MGAT4C: variants seen among roughly 807,000 people sequenced by gnomAD.
The protein encoded by MGAT4C is MGAT4 family member C, also known as alpha-1,3-mannosyl-glycoprotein 4-beta-N-acetylglucosaminyltransferase C.
In MGAT4C, 19 loss-of-function variants were observed where a neutral mutation model predicts 40.1. The observed-to-expected ratio is 0.47, with a 90% CI of 0.33 to 0.70. The LOEUF is 0.70. Among genes scored for constraint, MGAT4C ranks in the 30% least tolerant of loss-of-function variants. The pLI is 0.02. For synonymous variants in MGAT4C, 181 were observed against 187.1 expected (o/e 0.97, Z 0.27); for missense variants, 491 against 563.2 (o/e 0.87, Z 1.30).
At chr12:86,411,469 G>C (rs1209894161) in intron 3 of MGAT4C, among the ~76,000 whole-genome samples, 1 of 152,162 alleles carries the variant, frequency 6.6e-6, no homozygotes, top group Non-Finnish European at 1.5e-5. Flanking sequence ...TGAACTAGGG[G>C]TTTGTGGAAC....
chr12:86,575,855 C>T (rs753432162), intron 2 of MGAT4C, among the ~76,000 whole-genome samples: 3 of 151,780 alleles, frequency 2.0e-5, no homozygotes, highest in Middle Eastern at 3.2e-3. Context: ...TTCTCCAATC[C>T]TTGTCATTTG....
chr12:86,361,701 A>G, intron 3 of MGAT4C, among the ~76,000 whole-genome samples: 1 of 152,252 alleles, frequency 6.6e-6, no homozygotes, highest in Non-Finnish European at 1.5e-5. Context: ...TTCTCAAAAG[A>G]AGACATTTAT....
chr12:86,302,372 T>C (rs1953833379), intron 4 of MGAT4C, among the ~76,000 whole-genome samples: 1 of 147,620 alleles, frequency 6.8e-6, no homozygotes, highest in Non-Finnish European at 1.5e-5. Context: ...GGAGACAGAA[T>C]AGGCAGTTGC....
At chr12:86,651,377 AT>A (rs1318915495) in intron 2 of MGAT4C, among the ~76,000 whole-genome samples, 1 of 151,920 alleles carries the variant, frequency 6.6e-6, no homozygotes, top group Non-Finnish European at 1.5e-5. Flanking sequence ...AGCAAGTGAT[AT>A]AAATTTTAAA....
chr12:86,752,018 C>A (rs2136142268), intron 1 of MGAT4C, among the ~76,000 whole-genome samples: 1 of 151,770 alleles, frequency 6.6e-6, no homozygotes, highest in Non-Finnish European at 1.5e-5. Flanking sequence ...TGTCTTGGAG[C>A]ACAATGAGAC....
chr12:86,474,670 CT>C lies in MGAT4C; in HGVS notation c.-228-39406del, dbSNP rs145820006. ...TAAATGACAAGGATTCATACTCTGG[CT>C]TTTCAGGTTTTCTTTTTTTTTTATA... On this transcript the variant is annotated intron_variant, in intron 2 of 7. Coordinates refer to the MGAT4C transcript ENST00000548651. Among the ~76,000 whole-genome samples the C allele has an allele frequency of 8.2e-4, 125 of 151,882 alleles. 1 individual carries two copies. The highest frequency in any genetic ancestry group is 6.5e-4 in the Non-Finnish European group (44 of 67,936).
rs779598638 is a variant in MGAT4C, at chr12:85,956,812, C to G, written c.*22477G>C. 1 of 152,188 alleles carries G rather than the reference C, an allele frequency of 6.6e-6. No individual in the cohort carries two copies. The highest frequency in any genetic ancestry group is 1.5e-5 in the Non-Finnish European group (1 of 68,020). The allele number at this position is 152,188 out of a possible 1,614,324, so 9.4% of individuals were successfully genotyped here. A position where few individuals can be genotyped will look rare whatever the true frequency, so the allele number is the denominator to read the frequency against. On this transcript the variant is annotated 3_prime_UTR_variant, in exon 5 of 5. Coordinates refer to ENST00000611864, the MANE Select transcript of MGAT4C (RefSeq NM_001351288.2). ...TTATGACATGAGATTGAAGGTGACT[C>G]TGAATCAACAGAATTTTATTTTTCT...
intron 2 of MGAT4C, among the ~76,000 whole-genome samples, chr12:86,552,042 A>AAAAC (rs1259033894): frequency 2.5e-4 from 37 of 150,078 alleles, no homozygotes; most frequent in African/African-American, 8.1e-4. Context: ...AAAAAAAAAA[A>AAAAC]CCAAAAAACA....
chr12:86,008,241 G>A (rs1174022806), intron 2 of MGAT4C, among the ~76,000 whole-genome samples: 1 of 151,848 alleles, frequency 6.6e-6, no homozygotes, highest in East Asian at 1.9e-4. Context: ...AGAATTTGCT[G>A]GTTGTACAAA....
At chr12:86,021,180 C>T (rs1372375712) in intron 2 of MGAT4C, among the ~76,000 whole-genome samples, 3 of 152,066 alleles carry the variant, frequency 2.0e-5, no homozygotes, top group Non-Finnish European at 2.9e-5. Flanking sequence ...GTCAGTGTGG[C>T]GATTCCTCAG....
At chr12:86,599,238 T>C (rs574176320) in intron 2 of MGAT4C, among the ~76,000 whole-genome samples, 170 of 152,260 alleles carry the variant, frequency 1.1e-3, no homozygotes, top group African/African-American at 4.0e-3. Flanking sequence ...ATGTATATAC[T>C]GCACAATCTG....
intron 2 of MGAT4C, among the ~76,000 whole-genome samples, chr12:86,508,313 G>T (rs1034526363): frequency 2.0e-5 from 3 of 151,954 alleles, no homozygotes; most frequent in African/African-American, 4.8e-5. Flanking sequence ...GCGGTGTTTG[G>T]TTTTTTGTTC....
At chr12:86,021,203 A>G (rs1188896903) in intron 2 of MGAT4C, among the ~76,000 whole-genome samples, 1 of 152,168 alleles carries the variant, frequency 6.6e-6, no homozygotes, top group Non-Finnish European at 1.5e-5. Context: ...ACCTAGAACT[A>G]GAAATACCAT....
At position 86,557,569 on chromosome 12, in the gene MGAT4C, T is replaced by C. The variant is rs1959670997; in HGVS notation, c.-228-122304A>G. On this transcript the variant is annotated intron_variant, in intron 2 of 7. Transcript: ENST00000548651. ...ATTCTTAGAAAAGCTTCACCAATCC[T>C]TCACTAAAAACCACAGCCTAAGTCA... is the stretch of plus-strand genomic sequence containing the variant. Among the ~76,000 whole-genome samples the C allele has an allele frequency of 2.6e-5, 4 of 152,276 alleles. No homozygotes were observed. The South Asian group carries it at 8.3e-4, about 32-fold the overall frequency.
intron 1 of MGAT4C, among the ~76,000 whole-genome samples, chr12:86,097,559 G>T (rs1024162053): frequency 1.3e-5 from 2 of 151,438 alleles, no homozygotes; most frequent in African/African-American, 2.4e-5. Flanking sequence ...GATTTCCATA[G>T]AAATATACTG....
At chr12:86,637,666 G>A (rs1251728106) in intron 2 of MGAT4C, among the ~76,000 whole-genome samples, 1 of 151,758 alleles carries the variant, frequency 6.6e-6, no homozygotes, top group South Asian at 2.1e-4. Context: ...CAGTTAAAAT[G>A]GCACCGAGAT....
At chr12:86,640,617 A>G (rs1487693405) in intron 2 of MGAT4C, among the ~76,000 whole-genome samples, 2 of 151,662 alleles carry the variant, frequency 1.3e-5, no homozygotes, top group Non-Finnish European at 2.9e-5. Flanking sequence ...TTCTACTCTG[A>G]TTTTAGTTAT....
At chr12:86,201,704 G>A (rs576673749) in intron 1 of MGAT4C, among the ~76,000 whole-genome samples, 1 of 151,570 alleles carries the variant, frequency 6.6e-6, no homozygotes, top group Non-Finnish European at 1.5e-5. Flanking sequence ...TTGGTTGTTG[G>A]GATTTTTTAT....
At chr12:86,419,483 T>G (rs1370287445) in intron 3 of MGAT4C, among the ~76,000 whole-genome samples, 1 of 151,906 alleles carries the variant, frequency 6.6e-6, no homozygotes, top group Admixed American at 6.6e-5. Flanking sequence ...AAATTAACAT[T>G]ACCAGTTTTG....
Sources: gnomAD v4.1 joint callset for allele counts (sites outside exome capture counted in the v4.1 genomes callset) on GRCh38, gnomAD v4.1.1 for gene constraint, MANE v1.5 for transcripts, NCBI Gene and HGNC (gene_info 2026-07-23, HGNC 2026-07-21) for gene names.